The following PRLR variants were observed in gnomAD, a reference collection of about 807,000 sequenced individuals.
The protein encoded by PRLR is prolactin receptor, also known as hPRL receptor.
Under a neutral mutation model 40.2 loss-of-function variants are expected in PRLR, and 13 were observed. The ratio of observed to expected loss-of-function variants is 0.32; its 90% confidence interval spans 0.21 to 0.51. The LOEUF is 0.51. PRLR is among the 20% of genes least tolerant of loss of function. PRLR has a pLI of 0.97. For synonymous variants in PRLR, 269 were observed against 278.7 expected (o/e 0.97, Z 0.35); for missense variants, 656 against 747.3 (o/e 0.88, Z 1.42).
At chr5:35,212,382 A>G (rs1776192168) in intron 1 of PRLR, among the ~76,000 whole-genome samples, 1 of 152,234 alleles carries the variant, frequency 6.6e-6, no homozygotes, top group African/African-American at 2.4e-5. Flanking sequence ...GAAACATGAA[A>G]TTGTTGGGAA....
chr5:35,154,709 A>T (rs962247884), intron 1 of PRLR, among the ~76,000 whole-genome samples: 3 of 152,198 alleles, frequency 2.0e-5, no homozygotes, highest in Admixed American at 2.0e-4. Context: ...TTGCAGCACT[A>T]TTCACAATAG....
At position 35,064,993 on chromosome 5, in the gene PRLR, G is replaced by A. The variant is rs1184558034; in HGVS notation, c.*96C>T. 7.3e-7 allele frequency: 1 copy of A among 1,366,568 alleles called. No homozygotes were observed. The highest frequency in any genetic ancestry group is 1.0e-6 in the Non-Finnish European group (1 of 1,004,218). The allele number at this position is 1,366,568 out of a possible 1,614,324, so 84.7% of individuals were successfully genotyped here. On this transcript the variant is annotated 3_prime_UTR_variant, in exon 10 of 10. Coordinates refer to ENST00000618457, the MANE Select transcript of PRLR (RefSeq NM_000949.7). ...ATGAAAGGAGCTGGGAGCTTTAGTA[G>A]TGTCAGTCTGACTACATTCTTGAGC...
chr5:35,224,845 T>G (rs889787645), intron 1 of PRLR, among the ~76,000 whole-genome samples: 1 of 152,182 alleles, frequency 6.6e-6, no homozygotes, highest in Non-Finnish European at 1.5e-5. Flanking sequence ...CTCTTTTTTT[T>G]GAAATAAATG....
chr5:35,223,184 T>C lies in PRLR; in HGVS notation c.-106+7084A>G, dbSNP rs117414955. ...TTTCTACAAATTAAAGGTCACACTC[T>C]TGGTTGTCCATTTAATCTCCTTTAA... On this transcript the variant is annotated intron_variant, in intron 1 of 9. Coordinates refer to ENST00000618457, the MANE Select transcript of PRLR (RefSeq NM_000949.7). Among the ~76,000 whole-genome samples, 9 of 152,398 alleles carry C rather than the reference T, an allele frequency of 5.9e-5. 1 individual carries two copies. In the East Asian group the frequency reaches 1.7e-3, roughly 29 times the overall value.
chr5:35,130,326 G>C (rs1268653234), intron 1 of PRLR: 1 of 152,350 alleles, frequency 6.6e-6, no homozygotes, highest in East Asian at 1.9e-4. Flanking sequence ...TGTGGTTTCA[G>C]CAAAGCAGGA....
intron 2 of PRLR, among the ~76,000 whole-genome samples, chr5:35,109,167 TAGA>T (rs771402051): frequency 4.6e-5 from 7 of 152,180 alleles, no homozygotes; most frequent in Non-Finnish European, 7.3e-5. Context: ...TAGCCATATG[TAGA>T]AAGTTGAAAC....
intron 2 of PRLR, among the ~76,000 whole-genome samples, chr5:35,093,850 A>G (rs1771370116): frequency 6.6e-6 from 1 of 152,244 alleles, no homozygotes; most frequent in South Asian, 2.1e-4. Flanking sequence ...ATACACAAAC[A>G]CTTACCATTC....
At chr5:35,081,197 A>G (rs1770491522) in intron 5 of PRLR, 1 of 154,318 alleles carries the variant, frequency 6.5e-6, no homozygotes, top group South Asian at 2.0e-4. Flanking sequence ...TAATAATAAA[A>G]AAAATTTGCC....
At chr5:35,115,852 C>G (rs1013770195) in intron 2 of PRLR, among the ~76,000 whole-genome samples, 1 of 151,986 alleles carries the variant, frequency 6.6e-6, no homozygotes, top group South Asian at 2.1e-4. Flanking sequence ...AAATGGACTG[C>G]GGCACTTTGG....
At chr5:35,085,417 G>T (rs1445792605) in intron 4 of PRLR, among the ~76,000 whole-genome samples, 1 of 152,194 alleles carries the variant, frequency 6.6e-6, no homozygotes, top group Non-Finnish European at 1.5e-5. Flanking sequence ...TTCTGAAGAA[G>T]AATGCAGCTC....
chr5:35,179,425 G>A (rs561912484), intron 1 of PRLR, among the ~76,000 whole-genome samples: 3 of 152,198 alleles, frequency 2.0e-5, no homozygotes, highest in South Asian at 2.1e-4. Context: ...TACAGGCCAC[G>A]CGAATAAGGC....
chr5:35,118,801 T>G (rs1773164674), intron 1 of PRLR, among the ~76,000 whole-genome samples: 1 of 151,934 alleles, frequency 6.6e-6, no homozygotes, highest in Non-Finnish European at 1.5e-5. Flanking sequence ...ATCTTTTTTT[T>G]TTTTGACAGG....
chr5:35,217,061 A>G (rs1776302738), intron 1 of PRLR, among the ~76,000 whole-genome samples: 1 of 152,180 alleles, frequency 6.6e-6, no homozygotes, highest in Non-Finnish European at 1.5e-5. Context: ...GCAAGCCTCT[A>G]GCTCCACTGA....
At chr5:35,113,026 T>C (rs938688249) in intron 2 of PRLR, among the ~76,000 whole-genome samples, 5 of 152,136 alleles carry the variant, frequency 3.3e-5, no homozygotes, top group African/African-American at 9.7e-5. Flanking sequence ...TTTGAGAAAA[T>C]GTAGAGTTGA....
intron 1 of PRLR, among the ~76,000 whole-genome samples, chr5:35,134,042 G>A (rs188728708): frequency 4.7e-4 from 71 of 152,284 alleles, no homozygotes; most frequent in Admixed American, 5.9e-4. Flanking sequence ...GGAAAGGTTG[G>A]GAAGGGGGTG....
intron 3 of PRLR, among the ~76,000 whole-genome samples, chr5:35,087,934 C>A (rs960589372): frequency 6.6e-6 from 1 of 152,176 alleles, no homozygotes; most frequent in African/African-American, 2.4e-5. Flanking sequence ...CAGAGAGGAG[C>A]GCTTTCAGAT....
At chr5:35,091,266 T>C (rs1316572083) in intron 2 of PRLR, among the ~76,000 whole-genome samples, 1 of 152,112 alleles carries the variant, frequency 6.6e-6, no homozygotes, top group Non-Finnish European at 1.5e-5. Context: ...GTGCACTTTC[T>C]AAATCACCCA....
chr5:35,080,453 C>G (rs989151174), intron 5 of PRLR, among the ~76,000 whole-genome samples: 4 of 152,210 alleles, frequency 2.6e-5, no homozygotes, highest in Non-Finnish European at 4.4e-5. Context: ...CTCATCGTCA[C>G]TGGCCATCAG....
At chr5:35,149,860 T>C (rs1418792065) in intron 1 of PRLR, among the ~76,000 whole-genome samples, 1 of 151,924 alleles carries the variant, frequency 6.6e-6, no homozygotes, top group Non-Finnish European at 1.5e-5. Flanking sequence ...AACTACCTAG[T>C]CTTTTTTTTT....
Sources: allele counts gnomAD v4.1 joint callset (sites outside exome capture counted in the v4.1 genomes callset), GRCh38; gene constraint gnomAD v4.1.1; transcripts MANE v1.5; gene names NCBI Gene and HGNC (gene_info 2026-07-23, HGNC 2026-07-21).